Variants in ATL2 observed in about 807,000 individuals in gnomAD.
The protein encoded by ATL2 is atlastin-2.
In ATL2, 31 loss-of-function variants were observed where a neutral mutation model predicts 73.9. That is an observed-to-expected ratio of 0.42 (90% CI 0.32 to 0.57). The LOEUF (loss-of-function observed/expected upper bound fraction) is 0.57, where lower values mean the gene tolerates loss of function less well. Among genes scored for constraint, ATL2 ranks in the 20% least tolerant of loss-of-function variants. The pLI is 0.14. For missense variants in ATL2, 738 were observed against 702.6 expected, an observed-to-expected ratio of 1.05 and a Z score of -0.57; for synonymous variants, 291 against 237.5, an observed-to-expected ratio of 1.23 and a Z score of -2.07.
chr2:38,336,267 G>A (rs752657497), intron 2 of ATL2, among the ~76,000 whole-genome samples: 3 of 152,330 alleles, frequency 2.0e-5, no homozygotes, highest in East Asian at 1.9e-4. Flanking sequence ...ATATGTAGCA[G>A]TGCGTATGAT....
At chr2:38,297,716 G>C (rs996970415) in intron 12 of ATL2, among the ~76,000 whole-genome samples, 1 of 152,158 alleles carries the variant, frequency 6.6e-6, no homozygotes, top group African/African-American at 2.4e-5. Context: ...ATGAAGACCT[G>C]TCTACCATCC....
chr2:38,308,703 A>G (rs1667584842), intron 9 of ATL2, among the ~76,000 whole-genome samples: 1 of 152,122 alleles, frequency 6.6e-6, no homozygotes, highest in Non-Finnish European at 1.5e-5. Context: ...TGTATCAAAA[A>G]TATCTCATGT....
intron 1 of ATL2, among the ~76,000 whole-genome samples, chr2:38,373,968 G>A (rs112557054): frequency 8.6e-5 from 13 of 152,022 alleles, no homozygotes; most frequent in Admixed American, 2.6e-4. Context: ...CTCGGCTCAC[G>A]GCAACCTCCA....
At chr2:38,296,641 T>C in intron 12 of ATL2, 1 of 1,597,218 alleles carries the variant, frequency 6.3e-7, no homozygotes, top group Non-Finnish European at 8.5e-7. Flanking sequence ...GCCTCGAAGC[T>C]AAAGAGTTTA....
At chr2:38,336,040 CAAAT>C (rs912674388) in intron 2 of ATL2, among the ~76,000 whole-genome samples, 8 of 152,108 alleles carry the variant, frequency 5.3e-5, no homozygotes, top group Admixed American at 1.3e-4. Flanking sequence ...CATAAATAAA[CAAAT>C]AAAAATAAAA....
In ATL2 at chr2:38,364,258, T is replaced by C. The variant is rs368397825; in HGVS notation, c.118+12885A>G. 1.5e-4 allele frequency among the ~76,000 whole-genome samples: 22 copies of C among 148,926 alleles called. No homozygotes were observed. In the East Asian group the frequency reaches 3.1e-3, roughly 21 times the overall value. On this transcript the variant is annotated intron_variant, in intron 1 of 12. Transcript: ENST00000378954. Reference sequence around the variant, plus strand: ...GCCTGGGCAACAGAGTGAGACTCCATCTCAAAAAATAAAATAAAATAAAAT... The same window carrying C: ...GCCTGGGCAACAGAGTGAGACTCCACCTCAAAAAATAAAATAAAATAAAAT...
intron 12 of ATL2, among the ~76,000 whole-genome samples, chr2:38,297,432 A>C (rs1053333896): frequency 3.9e-5 from 6 of 152,198 alleles, no homozygotes; most frequent in African/African-American, 1.4e-4. Flanking sequence ...AATGACATCC[A>C]TAAGCGGTCC....
At chr2:38,298,703 C>T (rs1667035170) in intron 11 of ATL2, 128 bp from the exon 12 acceptor site, 1 of 890,430 alleles carries the variant, frequency 1.1e-6, no homozygotes, top group Non-Finnish European at 1.7e-6. Context: ...AACTCACTTA[C>T]AATACCTCAC....
At chr2:38,342,973 CAA>C (rs56691245) in intron 2 of ATL2, among the ~76,000 whole-genome samples, 23 of 85,410 alleles carry the variant, frequency 2.7e-4, no homozygotes, top group Non-Finnish European at 1.7e-4. Flanking sequence ...CCCATAGCTA[CAA>C]AAAAAAAAAA....
intron 7 of ATL2, 52 bp downstream of exon 7, chr2:38,313,099 C>T (rs369386287): frequency 1.5e-6 from 2 of 1,339,190 alleles, no homozygotes; most frequent in East Asian, 2.3e-5. Context: ...ACAGCCCACC[C>T]GTTTGCCTAG....
chr2:38,333,223 A>G (rs1669104813), intron 2 of ATL2, among the ~76,000 whole-genome samples: 1 of 151,980 alleles, frequency 6.6e-6, no homozygotes, highest in Non-Finnish European at 1.5e-5. Flanking sequence ...CAGGAGTTTG[A>G]GGCTTCAGTG....
At chr2:38,365,480 C>T (rs1231559331) in intron 1 of ATL2, among the ~76,000 whole-genome samples, 1 of 152,030 alleles carries the variant, frequency 6.6e-6, no homozygotes, top group Non-Finnish European at 1.5e-5. Context: ...CATGGTGAAA[C>T]CCTGTCTCTA....
In ATL2 at chr2:38,348,182, C is replaced by T. The variant is rs889066262; in HGVS notation, c.119-4670G>A. Among the ~76,000 whole-genome samples the T allele has an allele frequency of 5.9e-5, 9 of 152,030 alleles. No individual in the cohort carries two copies. The South Asian group carries it at 1.0e-3, about 18-fold the overall frequency. ...CAAAAATTCCATAAAAATTATGAAG[C>T]TTGGCTAGGCGCGGTGGCTCACGCC... is the stretch of plus-strand genomic sequence containing the variant. On this transcript the variant is annotated intron_variant, in intron 1 of 12. Transcript: ENST00000378954.
At position 38,309,890 on chromosome 2, in the gene ATL2, GTT is replaced by G. The variant is rs552384684; in HGVS notation, c.944-386_944-385del. 3.5e-3 allele frequency among the ~76,000 whole-genome samples: 533 copies of G among 152,158 alleles called. 1 individual carries two copies. Among genetic ancestry groups the G allele is most frequent in the Non-Finnish European group, 5.8e-3 (392 of 68,008 alleles). The stretch of plus-strand genomic sequence containing the variant: ...ATGTTTTACCAGCCATACTGTAAAA[GTT>G]TTGTCAATCCCCAAATGTTTTGCCA... On this transcript the variant is annotated intron_variant, in intron 8 of 12. Transcript: ENST00000378954.
chr2:38,378,571 T>G (rs1157239879), upstream of ATL2, among the ~76,000 whole-genome samples: 1 of 152,218 alleles, frequency 6.6e-6, no homozygotes, highest in East Asian at 1.9e-4. Context: ...ATGGAGTTTG[T>G]CATCATTGTC....
At chr2:38,364,871 C>T (rs897691917) in intron 1 of ATL2, among the ~76,000 whole-genome samples, 7 of 151,934 alleles carry the variant, frequency 4.6e-5, no homozygotes, top group Non-Finnish European at 1.0e-4. Flanking sequence ...GGTGAAACTC[C>T]GTCTCTACTA....
chr2:38,325,727 C>T (rs1668611722), intron 2 of ATL2, among the ~76,000 whole-genome samples: 1 of 121,326 alleles, frequency 8.2e-6, no homozygotes, highest in African/African-American at 5.3e-5. Flanking sequence ...CACACACACA[C>T]ACACACACAC....
chr2:38,332,822 T>C (rs1669076936), intron 2 of ATL2, among the ~76,000 whole-genome samples: 1 of 152,190 alleles, frequency 6.6e-6, no homozygotes, highest in Non-Finnish European at 1.5e-5. Context: ...TGCTTCTTGA[T>C]GAAAGAATTA....
Position 38,298,200 on chromosome 2 carries a change from C to G in ATL2, c.1576G>C (p.Glu526Gln). 1 of 1,614,032 alleles carries G rather than the reference C, an allele frequency of 6.2e-7. No homozygotes were observed. The highest frequency in any genetic ancestry group is 8.5e-7 in the Non-Finnish European group (1 of 1,179,950). The change falls in exon 12 of 13, where the codon GAG becomes CAG. Residue 526 changes from glutamate to glutamine, a missense_variant. Transcript: ENST00000378954. ...CTWAYVKYSGEFREIGTVIDQ... is the reference protein window; with the variant it reads ...CTWAYVKYSGQFREIGTVIDQ... Reference sequence around the variant, plus strand: ...ATCACTGTTCCAATTTCTCTGAACTCCCCAGAGTATTTAACATATGCCCAA... The same window carrying G: ...ATCACTGTTCCAATTTCTCTGAACTGCCCAGAGTATTTAACATATGCCCAA...
Sources: allele counts gnomAD v4.1 joint callset (sites outside exome capture counted in the v4.1 genomes callset), GRCh38; gene constraint gnomAD v4.1.1; transcripts MANE v1.5; gene names NCBI Gene and HGNC (gene_info 2026-07-23, HGNC 2026-07-21).